Variants in SP4 observed in about 807,000 individuals in gnomAD.
SP4 encodes Sp4 transcription factor.
SP4 carries 19 observed loss-of-function variants against 72.8 expected under a neutral mutation model. The observed-to-expected ratio is 0.26, with a 90% CI of 0.18 to 0.38. SP4 has a LOEUF of 0.38. Among genes scored for constraint, SP4 ranks in the 10% least tolerant of loss-of-function variants. SP4 has a pLI of 1.00. For missense variants in SP4, 1,008 were observed against 926.3 expected (o/e 1.09, Z -1.14); for synonymous variants, 395 against 333.1 (o/e 1.19, Z -2.02).
At chr7:21,456,827 G>A (rs1783778937) in intron 3 of SP4, among the ~76,000 whole-genome samples, 1 of 152,194 alleles carries the variant, frequency 6.6e-6, no homozygotes, top group Admixed American at 6.5e-5. Flanking sequence ...CAAATAAAAT[G>A]TCTCAGGTCT....
chr7:21,495,906 T>C (rs1458733650), intron 5 of SP4, among the ~76,000 whole-genome samples: 1 of 152,172 alleles, frequency 6.6e-6, no homozygotes, highest in Non-Finnish European at 1.5e-5. Context: ...ATTGGAGTAC[T>C]ACTCCCCAAC....
At chr7:21,449,860 C>G (rs1055401721) in intron 3 of SP4, among the ~76,000 whole-genome samples, 2 of 152,070 alleles carry the variant, frequency 1.3e-5, no homozygotes, top group African/African-American at 4.8e-5. Flanking sequence ...ATAGGCAAGT[C>G]TTTTCTTCTT....
intron 3 of SP4, among the ~76,000 whole-genome samples, chr7:21,469,593 G>T (rs989399796): frequency 6.8e-6 from 1 of 147,074 alleles, no homozygotes; most frequent in Admixed American, 6.8e-5. Context: ...CCAGGCTGGA[G>T]TGCAGTGGTG....
chr7:21,480,276 T>A (rs1200446166), intron 4 of SP4, among the ~76,000 whole-genome samples: 1 of 152,222 alleles, frequency 6.6e-6, no homozygotes, highest in Admixed American at 6.5e-5. Flanking sequence ...CTTCATAGAA[T>A]GAATTGGAAA....
At chr7:21,481,735 A>G (rs117225101) in intron 4 of SP4, among the ~76,000 whole-genome samples, 189 bp from the exon 5 acceptor site, 25 of 152,292 alleles carry the variant, frequency 1.6e-4, no homozygotes, top group African/African-American at 4.8e-4. Context: ...TTTCATAGCA[A>G]TTTGGTACAC....
intron 3 of SP4, among the ~76,000 whole-genome samples, chr7:21,465,557 A>G (rs1169056700): frequency 3.9e-5 from 6 of 152,208 alleles, no homozygotes; most frequent in Non-Finnish European, 8.8e-5. Flanking sequence ...TAAATTGAGT[A>G]AGTGCGAGTG....
Position 21,483,443 on chromosome 7 carries a change from C to T in SP4, c.2107+1320C>T, listed in dbSNP as rs548173512. On this transcript the variant is annotated intron_variant, in intron 5 of 5. Coordinates refer to ENST00000222584, the MANE Select transcript of SP4 (RefSeq NM_003112.5). ...TTTGTTTATAAATTTTTCTTCTGTCCCAAGGTCATAAAGTCTCAAAAAACA... is the reference window on the plus strand; with the variant it reads ...TTTGTTTATAAATTTTTCTTCTGTCTCAAGGTCATAAAGTCTCAAAAAACA... Among the ~76,000 whole-genome samples, 107 of 151,650 alleles carry T rather than the reference C, an allele frequency of 7.1e-4. 1 individual carries two copies. Among genetic ancestry groups the T allele is most frequent in the African/African-American group, 2.5e-3 (102 of 41,446 alleles).
At chr7:21,445,092 A>T (rs1783379698) in intron 3 of SP4, among the ~76,000 whole-genome samples, 1 of 152,210 alleles carries the variant, frequency 6.6e-6, no homozygotes, top group African/African-American at 2.4e-5. Flanking sequence ...TTTGTGTATC[A>T]CAAACTAATT....
chr7:21,457,415 T>G (rs1282990299), intron 3 of SP4, among the ~76,000 whole-genome samples: 3 of 152,230 alleles, frequency 2.0e-5, no homozygotes, highest in Non-Finnish European at 4.4e-5. Context: ...GTGTATAGAT[T>G]GTGCCTTGCA....
At chr7:21,432,993 C>G (rs540252543) in intron 3 of SP4, among the ~76,000 whole-genome samples, 52 of 152,228 alleles carry the variant, frequency 3.4e-4, no homozygotes, top group Admixed American at 6.5e-4. Context: ...GACCCTCTCT[C>G]AAACAAACAA....
Position 21,513,549 on chromosome 7 carries a change from TTATC to T in SP4, c.*2285_*2288del, listed in dbSNP as rs1250695403. The T allele has an allele frequency of 4.6e-5, 7 of 152,602 alleles. No individual in the cohort carries two copies. The highest frequency in any genetic ancestry group is 8.8e-5 in the Non-Finnish European group (6 of 68,006). 9.5% of individuals were successfully genotyped at this position (152,602 alleles called of 1,614,324 possible). On this transcript the variant is annotated 3_prime_UTR_variant, in exon 6 of 6. Transcript: ENST00000222584. ...GGAGCTGAAACATCAAATATATATTTTATCTATCATTATGCTACACAATCAGTGC... is the reference window on the plus strand; with the variant it reads ...GGAGCTGAAACATCAAATATATATTTTATCATTATGCTACACAATCAGTGC...
At chr7:21,436,433 C>G (rs1449151734) in intron 3 of SP4, among the ~76,000 whole-genome samples, 1 of 152,142 alleles carries the variant, frequency 6.6e-6, no homozygotes, top group African/African-American at 2.4e-5. Flanking sequence ...TGGAAAGAAT[C>G]TTGGAGATTA....
intron 5 of SP4, among the ~76,000 whole-genome samples, chr7:21,483,056 C>G (rs1443251819): frequency 1.3e-5 from 2 of 152,044 alleles, no homozygotes; most frequent in Non-Finnish European, 2.9e-5. Flanking sequence ...TCTACAGTGG[C>G]TATTTAACTA....
At chr7:21,499,029 G>A (rs1049910643) in intron 5 of SP4, among the ~76,000 whole-genome samples, 14 of 145,544 alleles carry the variant, frequency 9.6e-5, no homozygotes, top group Non-Finnish European at 5.9e-5. Context: ...ACAGTGAGCC[G>A]AGATCACGCC....
intron 3 of SP4, among the ~76,000 whole-genome samples, chr7:21,442,108 G>A (rs1429744203): frequency 6.2e-5 from 9 of 146,012 alleles, no homozygotes; most frequent in Admixed American, 3.5e-4. Context: ...CCACAATCTC[G>A]GCTCGCTGCA....
At chr7:21,492,323 A>G (rs190919548) in intron 5 of SP4, among the ~76,000 whole-genome samples, 2 of 152,364 alleles carry the variant, frequency 1.3e-5, no homozygotes, top group Admixed American at 1.3e-4. Flanking sequence ...GACTTTAATA[A>G]TTTTGTAAAT....
intron 3 of SP4, among the ~76,000 whole-genome samples, chr7:21,463,354 A>C (rs1395669649): frequency 6.6e-6 from 1 of 152,194 alleles, no homozygotes; most frequent in South Asian, 2.1e-4. Flanking sequence ...GATGAATGAA[A>C]GGTTACCAAG....
At chr7:21,438,826 C>A (rs1375456281) in intron 3 of SP4, among the ~76,000 whole-genome samples, 3 of 152,204 alleles carry the variant, frequency 2.0e-5, no homozygotes, top group African/African-American at 7.2e-5. Flanking sequence ...GCTAACAAGT[C>A]ACTTAGTAAC....
rs957868083 is a variant in SP4 at position 21,429,184 on chromosome 7, T to G, written c.124-105T>G. 3 of 634,712 alleles carry G rather than the reference T, an allele frequency of 4.7e-6. No individual in the cohort carries two copies. The African/African-American group carries it at 5.5e-5, about 12-fold the overall frequency. The allele number at this position is 634,712 out of a possible 1,614,324, so 39.3% of individuals were successfully genotyped here. A position where few individuals can be genotyped will look rare whatever the true frequency, so the allele number is the denominator to read the frequency against. On this transcript the variant is annotated intron_variant, in intron 2 of 5. Transcript: ENST00000222584. ...ATTTCTGCTGCTTCCTAAATTGTTA[T>G]GTAGAGCTGTCAAAATAAGTAACCC...
Sources: gnomAD v4.1 joint callset for allele counts (sites outside exome capture counted in the v4.1 genomes callset) on GRCh38, gnomAD v4.1.1 for gene constraint, MANE v1.5 for transcripts, NCBI Gene and HGNC (gene_info 2026-07-23, HGNC 2026-07-21) for gene names.